SYT7: variants seen among roughly 807,000 people sequenced by gnomAD.
The protein encoded by SYT7 is synaptotagmin-7.
Under a neutral mutation model 75.1 loss-of-function variants are expected in SYT7, and 29 were observed. The ratio of observed to expected loss-of-function variants is 0.39; its 90% CI spans 0.29 to 0.53. SYT7 has a LOEUF of 0.53. Among genes scored for constraint, SYT7 ranks in the 20% least tolerant of loss-of-function variants. SYT7 has a pLI of 0.77. For synonymous variants in SYT7, 376 were observed against 401.7 expected (o/e 0.94, Z 0.76); for missense variants, 693 against 953.2 (o/e 0.73, Z 3.59).
At chr11:61,535,944 A>T (rs1028930110) in intron 7 of SYT7, among the ~76,000 whole-genome samples, 2 of 152,070 alleles carry the variant, frequency 1.3e-5, no homozygotes, top group Non-Finnish European at 2.9e-5. Context: ...CCAAGTTCTG[A>T]GGGTCCAGGA....
In SYT7 at chr11:61,546,645, C is replaced by T. The variant is rs879752928; in HGVS notation, c.348-390G>A. 2.8e-5 allele frequency: 13 copies of T among 466,322 alleles called. No individual in the cohort carries two copies. The highest frequency in any genetic ancestry group is 9.9e-5 in the African/African-American group (5 of 50,488). 28.9% of individuals were successfully genotyped at this position (466,322 alleles called of 1,614,324 possible). Reference sequence around the variant, plus strand: ...CCACAGGACAACGAAGGGTTAACGACGGAGGAAGAGCGGGCTGTCCAGGCC... The same window carrying T: ...CCACAGGACAACGAAGGGTTAACGATGGAGGAAGAGCGGGCTGTCCAGGCC... On this transcript the variant is annotated intron_variant, in intron 4 of 12. Coordinates refer to ENST00000539008, the MANE Select transcript of SYT7 (RefSeq NM_001365809.2). This position sits in a 1 kb window ranked among gnomAD's most constrained non-coding sequence, Gnocchi z 7.6.
At chr11:61,550,696 G>C (rs370848371) in intron 3 of SYT7, among the ~76,000 whole-genome samples, 3 of 152,148 alleles carry the variant, frequency 2.0e-5, no homozygotes, top group African/African-American at 4.8e-5. Flanking sequence ...TGAGTCCCCC[G>C]CCAGGTGGGT....
At position 61,551,813 on chromosome 11, in the gene SYT7, G is replaced by T. The variant is rs568603479; in HGVS notation, c.136-350C>A. On this transcript the variant is annotated intron_variant, in intron 2 of 12. Transcript: ENST00000539008. This position sits in a 1 kb window ranked among gnomAD's most constrained non-coding sequence, Gnocchi z 5.3. The stretch of plus-strand genomic sequence containing the variant: ...TGCCACGGACAGACGGCTCTCAGGC[G>T]CCTGGCCACGTCACACTGTCCACGT... Among the ~76,000 whole-genome samples, 1 of 152,260 alleles carries T rather than the reference G, an allele frequency of 6.6e-6. No homozygotes were observed. The highest frequency in any genetic ancestry group is 1.5e-5 in the Non-Finnish European group (1 of 68,020).
At chr11:61,558,475 AATAT>A (rs1294807234) in intron 1 of SYT7, among the ~76,000 whole-genome samples, 85 of 143,074 alleles carry the variant, frequency 5.9e-4, no homozygotes, top group African/African-American at 2.1e-3. Context: ...GTTTCAAAAA[AATAT>A]ATATATACAC....
At position 61,551,180 on chromosome 11, in the gene SYT7, A is replaced by G. The variant is rs1179176990; in HGVS notation, c.215+204T>C. The stretch of plus-strand genomic sequence containing the variant: ...CGGAAACGGAGGCCAGGGACTCCGG[A>G]GCACTACGAGGGGCTTGGGCACAGG... On this transcript the variant is annotated intron_variant, in intron 3 of 12. Transcript: ENST00000539008. This position sits in a 1 kb window ranked among gnomAD's most constrained non-coding sequence, Gnocchi z 5.3. Among the ~76,000 whole-genome samples the G allele has an allele frequency of 6.6e-6, 1 of 152,042 alleles. No individual in the cohort carries two copies. Among genetic ancestry groups the G allele is most frequent in the Non-Finnish European group, 1.5e-5 (1 of 67,992 alleles).
chr11:61,546,786 C>T lies in SYT7; in HGVS notation c.347+391G>A, dbSNP rs1056525293. 6.0e-5 allele frequency: 23 copies of T among 385,814 alleles called. No homozygotes were observed. The highest frequency in any genetic ancestry group is 6.9e-4 in the Middle Eastern group (1 of 1,458). 23.9% of individuals were successfully genotyped at this position (385,814 alleles called of 1,614,324 possible). A position where few individuals can be genotyped will look rare whatever the true frequency, so the allele number is the denominator to read the frequency against. The stretch of plus-strand genomic sequence containing the variant: ...CCACCGACCACCGACCACCGACCAC[C>T]GAGCAGCCACGGCAGCACACAGCGG... On this transcript the variant is annotated intron_variant, in intron 4 of 12. Transcript: ENST00000539008. This position sits in a 1 kb window ranked among gnomAD's most constrained non-coding sequence, Gnocchi z 7.6.
intron 5 of SYT7, among the ~76,000 whole-genome samples, chr11:61,544,266 C>G (rs762359245): frequency 6.6e-6 from 1 of 152,158 alleles, no homozygotes; most frequent in Non-Finnish European, 1.5e-5. Flanking sequence ...CCTTCACCAC[C>G]GCAACCAGAC....
chr11:61,581,503 C>T (rs540708793), upstream of SYT7, among the ~76,000 whole-genome samples: 9 of 152,364 alleles, frequency 5.9e-5, no homozygotes, highest in South Asian at 1.9e-3. Context: ...TCCGGGTTTT[C>T]CGCTTGCTGG....
chr11:61,580,731 C>T lies in SYT7; in HGVS notation c.31+59G>A. 1.8e-6 allele frequency: 2 copies of T among 1,132,376 alleles called. No individual in the cohort carries two copies. Among genetic ancestry groups the T allele is most frequent in the African/African-American group, 1.6e-5 (1 of 61,720 alleles). 70.1% of individuals were successfully genotyped at this position (1,132,376 alleles called of 1,614,324 possible). ...GCTGGGGCTCCGAGACGGCGTCCGG[C>T]GCTGCCGCTGTCCTGCCCGCCGGTG... On this transcript the variant is annotated intron_variant, in intron 1 of 12. Transcript: ENST00000539008. The surrounding 1 kb of genome is among the most constrained non-coding windows in gnomAD (Gnocchi z 6.1).
chr11:61,543,919 C>T (rs1486399992), intron 5 of SYT7, among the ~76,000 whole-genome samples: 2 of 152,194 alleles, frequency 1.3e-5, no homozygotes, highest in Non-Finnish European at 2.9e-5. Flanking sequence ...TCTTCTCCTC[C>T]TCTGTCCCTT....
At chr11:61,549,607 C>CT (rs1020341257) in intron 3 of SYT7, among the ~76,000 whole-genome samples, 8 of 152,236 alleles carry the variant, frequency 5.3e-5, no homozygotes, top group Admixed American at 1.3e-4. Context: ...ACTCCACTGA[C>CT]TTGGGACCTT....
At position 61,524,669 on chromosome 11, in the gene SYT7, G is replaced by A. The variant is rs554595064; in HGVS notation, c.1472-137C>T. On this transcript the variant is annotated intron_variant, in intron 9 of 12. Transcript: ENST00000539008. This position sits in a 1 kb window ranked among gnomAD's most constrained non-coding sequence, Gnocchi z 4.1. Reference sequence around the variant, plus strand: ...ACCCCACCGGGCCAGCAGGCACACCGGATTGCAATTAGACCTTACTGAAGT... The same window carrying A: ...ACCCCACCGGGCCAGCAGGCACACCAGATTGCAATTAGACCTTACTGAAGT... 13 of 757,812 alleles carry A rather than the reference G, an allele frequency of 1.7e-5. No homozygotes were observed. The highest frequency in any genetic ancestry group is 1.4e-4 in the East Asian group (5 of 36,526). 46.9% of individuals were successfully genotyped at this position (757,812 alleles called of 1,614,324 possible).
In SYT7 at chr11:61,528,573, T is replaced by C. The variant is rs1255906217; in HGVS notation, c.1201-388A>G. On this transcript the variant is annotated intron_variant, in intron 8 of 12. Transcript: ENST00000539008. The stretch of plus-strand genomic sequence containing the variant: ...ACCTCCCTGCCTTCTTGTGACACGG[T>C]AGGGCCAACTGTGGGAGGCACCGAC... Among the ~76,000 whole-genome samples the C allele has an allele frequency of 3.3e-5, 5 of 151,964 alleles. No homozygotes were observed. In the East Asian group the frequency reaches 9.7e-4, roughly 29 times the overall value.
In SYT7 at chr11:61,528,051, C is replaced by T. The variant is rs763642964; in HGVS notation, c.1335G>A (p.Leu445=). The change falls in exon 9 of 13, where the codon CTG becomes CTA. Residue 445 remains leucine (L), a synonymous_variant. Transcript: ENST00000539008. ...TGGTGCCGCTGAAGTCCTTGGCCGG[C>T]AGCTCCTGGGCCTTCATGATCTTCA... ...LTVKIMKAQE[L]PAKDFSGTSD... is the part of the protein sequence containing the mutation. 2 of 1,614,056 alleles carry T rather than the reference C, an allele frequency of 1.2e-6. No individual in the cohort carries two copies. The highest frequency in any genetic ancestry group is 1.1e-5 in the South Asian group (1 of 91,074).
intron 6 of SYT7, chr11:61,540,078 C>T (rs2062997182): frequency 6.6e-6 from 1 of 152,200 alleles, no homozygotes; most frequent in Non-Finnish European, 1.5e-5. Context: ...TCCTTTTTCT[C>T]TTCTTAAAAC....
chr11:61,541,669 C>T (rs2063045937), intron 6 of SYT7, among the ~76,000 whole-genome samples: 2 of 135,042 alleles, frequency 1.5e-5, no homozygotes, highest in Admixed American at 1.7e-4. Flanking sequence ...TATAGAAGGT[C>T]AGAGAGATGG....
At position 61,527,331 on chromosome 11, in the gene SYT7, C is replaced by T. The variant is rs1383481453; in HGVS notation, c.1471+584G>A. Among the ~76,000 whole-genome samples, 6 of 152,198 alleles carry T rather than the reference C, an allele frequency of 3.9e-5. No homozygotes were observed. In the East Asian group the frequency reaches 5.8e-4, roughly 15 times the overall value. On this transcript the variant is annotated intron_variant, in intron 9 of 12. Coordinates refer to ENST00000539008, the MANE Select transcript of SYT7 (RefSeq NM_001365809.2). ...ACAATTCACTCATTTATTGAACCCT[C>T]GCTGTTATTATCTCTATTTTGTAGA...
intron 9 of SYT7, chr11:61,526,262 C>T (rs2062513614): frequency 6.6e-6 from 1 of 152,176 alleles, no homozygotes; most frequent in African/African-American, 2.4e-5. Flanking sequence ...TCCCAGGGAC[C>T]TTGCCCAGGG....
At chr11:61,587,017 G>T in the SYT7 span, among the ~76,000 whole-genome samples, 2 of 152,176 alleles carry the variant, frequency 1.3e-5, no homozygotes, top group Non-Finnish European at 2.9e-5. Context: ...GAACCAAGCA[G>T]AAGCTCTTTC....
Sources: allele counts gnomAD v4.1 joint callset (sites outside exome capture counted in the v4.1 genomes callset), GRCh38; gene constraint gnomAD v4.1.1; non-coding constraint Gnocchi (gnomAD v3.1); transcripts MANE v1.5; gene names NCBI Gene and HGNC (gene_info 2026-07-23, HGNC 2026-07-21).